Variants in DAPK2 observed in about 807,000 individuals in gnomAD.
DAPK2 encodes death associated protein kinase 2.
A neutral mutation model predicts 44.1 loss-of-function variants in DAPK2; 35 were observed. The ratio of observed to expected loss-of-function variants is 0.79; its 90% CI spans 0.61 to 1.05. The LOEUF (loss-of-function observed/expected upper bound fraction) is 1.05, where lower values mean the gene tolerates loss of function less well. Ranked by LOEUF, DAPK2 falls within the 50% of genes least tolerant of loss-of-function variation. The probability of loss-of-function intolerance (pLI) is 0.00; values close to 1 mark genes in which losing one functional copy is unlikely to be tolerated. For synonymous variants in DAPK2, 174 were observed against 182.6 expected (o/e 0.95, Z 0.38); for missense variants, 453 against 483.2 (o/e 0.94, Z 0.59).
At chr15:63,967,107 T>C (rs1396503705) in intron 3 of DAPK2, among the ~76,000 whole-genome samples, 1 of 151,950 alleles carries the variant, frequency 6.6e-6, no homozygotes, top group Non-Finnish European at 1.5e-5. Flanking sequence ...GTGAACCTGG[T>C]AGGTGGAGTT....
chr15:64,032,485 G>A (rs1445748718), intron 1 of DAPK2, among the ~76,000 whole-genome samples: 1 of 152,200 alleles, frequency 6.6e-6, no homozygotes, highest in Non-Finnish European at 1.5e-5. Flanking sequence ...TGCCAGATAA[G>A]CCTCATCTCA....
At chr15:63,969,742 A>T (rs891324277) in intron 3 of DAPK2, among the ~76,000 whole-genome samples, 17 of 34,514 alleles carry the variant, frequency 4.9e-4, no homozygotes, top group Non-Finnish European at 1.2e-3. Context: ...TATCTCTATT[A>T]AAAAAAAAAA....
At chr15:63,973,955 A>G (rs1364954630) in intron 2 of DAPK2, among the ~76,000 whole-genome samples, 2 of 152,170 alleles carry the variant, frequency 1.3e-5, no homozygotes, top group Non-Finnish European at 2.9e-5. Flanking sequence ...CCTTTCTTCA[A>G]TTTTATAAAA....
intron 3 of DAPK2, among the ~76,000 whole-genome samples, chr15:63,953,884 C>G (rs1370441153): frequency 1.3e-5 from 2 of 152,256 alleles, no homozygotes; most frequent in South Asian, 4.1e-4. Flanking sequence ...TGTTGAGCAC[C>G]TTTTCATACA....
chr15:64,026,071 G>A (rs1204903951), intron 1 of DAPK2, among the ~76,000 whole-genome samples: 1 of 152,090 alleles, frequency 6.6e-6, no homozygotes, highest in African/African-American at 2.4e-5. Flanking sequence ...TAGACCCTGT[G>A]GACGGCTGAC....
chr15:63,956,822 C>T (rs369123492), intron 3 of DAPK2, among the ~76,000 whole-genome samples: 5 of 152,110 alleles, frequency 3.3e-5, no homozygotes, highest in Non-Finnish European at 5.9e-5. Flanking sequence ...CTCCTGACTT[C>T]GTGATCCACC....
In DAPK2 at chr15:63,971,578, G is replaced by C. The variant is rs542038570; in HGVS notation, c.315-17C>G. ...CCAGACACTCTGTAAAACACCAGCGGGGGGAGGGGAGGCCCAGGCCCAGTC... is the reference window on the plus strand; with the variant it reads ...CCAGACACTCTGTAAAACACCAGCGCGGGGAGGGGAGGCCCAGGCCCAGTC... On this transcript the variant is annotated splice_polypyrimidine_tract_variant and intron_variant, in intron 2 of 10. Coordinates refer to ENST00000261891, the Ensembl canonical transcript of DAPK2. 2.4e-5 allele frequency: 39 copies of C among 1,613,126 alleles called. No homozygotes were observed. The highest frequency in any genetic ancestry group is 2.1e-4 in the African/African-American group (16 of 74,872).
rs1346428761 is a variant in DAPK2 at position 64,013,497 on chromosome 15, T to C, written c.92+26673A>G. Reference sequence around the variant, plus strand: ...TCTGATTACCTTGCATTCAGTCCTATGGAAGCAAATACCTTAAGAAAACAT... The same window carrying C: ...TCTGATTACCTTGCATTCAGTCCTACGGAAGCAAATACCTTAAGAAAACAT... On this transcript the variant is annotated intron_variant, in intron 1 of 10. Coordinates refer to ENST00000261891, the Ensembl canonical transcript of DAPK2. The surrounding 1 kb of genome is among the most constrained non-coding windows in gnomAD (Gnocchi z 4.7). 6.6e-6 allele frequency among the ~76,000 whole-genome samples: 1 copy of C among 152,174 alleles called. No individual in the cohort carries two copies. The highest frequency in any genetic ancestry group is 1.5e-5 in the Non-Finnish European group (1 of 68,028).
chr15:63,971,950 A>G (rs2078225502), intron 2 of DAPK2, among the ~76,000 whole-genome samples: 2 of 152,206 alleles, frequency 1.3e-5, no homozygotes, highest in African/African-American at 4.8e-5. Flanking sequence ...TGAAATTCTA[A>G]CCCCCAAGGT....
At position 63,983,762 on chromosome 15, in the gene DAPK2, G is replaced by C. The variant is rs746329076; in HGVS notation, c.93-8C>G. The C allele has an allele frequency of 8.7e-5, 140 of 1,608,184 alleles. No individual in the cohort carries two copies. Among genetic ancestry groups the C allele is most frequent in the Non-Finnish European group, 1.1e-4 (135 of 1,179,018 alleles). On this transcript the variant is annotated splice_region_variant and splice_polypyrimidine_tract_variant and intron_variant, in intron 1 of 10. Transcript: ENST00000261891. Reference sequence around the variant, plus strand: ...ACGATGGCAAACTGGCCACTGTGGGGACACAGACCCACAAGATTAGGTCAT... The same window carrying C: ...ACGATGGCAAACTGGCCACTGTGGGCACACAGACCCACAAGATTAGGTCAT...
intron 4 of DAPK2, among the ~76,000 whole-genome samples, chr15:63,932,165 T>TA (rs386383265): frequency 2.3e-4 from 31 of 137,054 alleles, no homozygotes; most frequent in African/African-American, 4.5e-4. Context: ...AGACCCTGTT[T>TA]AAAAAAAAAA....
intron 3 of DAPK2, among the ~76,000 whole-genome samples, chr15:63,963,211 T>C (rs1395487333): frequency 6.6e-6 from 1 of 152,138 alleles, no homozygotes; most frequent in African/African-American, 2.4e-5. Flanking sequence ...AGCGCAGTAT[T>C]AGGGTGGGAG....
At position 63,939,476 on chromosome 15, in the gene DAPK2, G is replaced by A; in HGVS notation, c.454-115C>T. On this transcript the variant is annotated intron_variant, in intron 3 of 10. Transcript: ENST00000261891. The surrounding 1 kb of genome is among the most constrained non-coding windows in gnomAD (Gnocchi z 4.3). ...TTTGGGGTTTGGGGTGGGACTTGGT[G>A]TTCTTTTTAGGAGACTGAAACAGCA... is the stretch of plus-strand genomic sequence containing the variant. 1.0e-6 allele frequency: 1 copy of A among 970,966 alleles called. No individual in the cohort carries two copies. Among genetic ancestry groups the A allele is most frequent in the Admixed American group, 2.8e-5 (1 of 35,976 alleles). 60.1% of individuals were successfully genotyped at this position (970,966 alleles called of 1,614,324 possible).
rs1221009101 is a variant in DAPK2, at chr15:64,036,269, ATATATG to A, written c.92+3895_92+3900del. ...AGTGAAACTCCATCTCAAAATATAT[ATATATG>A]TGTGTGTGTGTGTGTGTGTGTGTGT... is the stretch of plus-strand genomic sequence containing the variant. On this transcript the variant is annotated intron_variant, in intron 1 of 10. Transcript: ENST00000261891. Among the ~76,000 whole-genome samples, 191 of 74,840 alleles carry A rather than the reference ATATATG, an allele frequency of 2.6e-3. 2 individuals carry two copies. The highest frequency in any genetic ancestry group is 8.3e-3 in the African/African-American group (169 of 20,386). 49.1% of individuals were successfully genotyped at this position (74,840 alleles called of 152,430 possible).
chr15:63,913,480 A>G (rs1206791794), intron 8 of DAPK2, among the ~76,000 whole-genome samples: 1 of 152,206 alleles, frequency 6.6e-6, no homozygotes, highest in Non-Finnish European at 1.5e-5. Flanking sequence ...ACTGCCTAGA[A>G]TGATTCCAAA....
chr15:63,992,260 T>C (rs1194582750), intron 1 of DAPK2, among the ~76,000 whole-genome samples: 1 of 152,176 alleles, frequency 6.6e-6, no homozygotes, highest in African/African-American at 2.4e-5. Flanking sequence ...TATCCTCTGA[T>C]ATTTCCCTTA....
intron 1 of DAPK2, among the ~76,000 whole-genome samples, chr15:63,985,389 A>C (rs1343856074): frequency 6.6e-6 from 1 of 152,196 alleles, no homozygotes; most frequent in African/African-American, 2.4e-5. Context: ...TCTTGGAGCC[A>C]CTCTGGGCCT....
At chr15:63,963,519 T>C (rs1421473524) in intron 3 of DAPK2, among the ~76,000 whole-genome samples, 2 of 152,248 alleles carry the variant, frequency 1.3e-5, no homozygotes, top group African/African-American at 4.8e-5. Flanking sequence ...TGTCTTTTGA[T>C]TGGAGAATTT....
In DAPK2 at chr15:63,947,243, C is replaced by G. The variant is rs193283216; in HGVS notation, c.454-7882G>C. On this transcript the variant is annotated intron_variant, in intron 3 of 10. Coordinates refer to ENST00000261891, the Ensembl canonical transcript of DAPK2. ...TATGATCTCCCTCCCCTCCAACACACAGCTAGTTGTCCCCAGCTTGCACAC... is the reference window on the plus strand; with the variant it reads ...TATGATCTCCCTCCCCTCCAACACAGAGCTAGTTGTCCCCAGCTTGCACAC... 2.0e-3 allele frequency among the ~76,000 whole-genome samples: 297 copies of G among 152,302 alleles called. 1 individual carries two copies. The highest frequency in any genetic ancestry group is 6.5e-3 in the African/African-American group (271 of 41,566).
Sources: allele counts gnomAD v4.1 joint callset (sites outside exome capture counted in the v4.1 genomes callset), GRCh38; gene constraint gnomAD v4.1.1; non-coding constraint Gnocchi (gnomAD v3.1); transcripts MANE v1.5; gene names NCBI Gene and HGNC (gene_info 2026-07-23, HGNC 2026-07-21).